The following TMEM178B variants were observed in gnomAD, a reference collection of about 807,000 sequenced individuals.
The protein encoded by TMEM178B is transmembrane protein 178B.
A neutral mutation model predicts 31.0 loss-of-function variants in TMEM178B; 5 were observed. The ratio of observed to expected loss-of-function variants is 0.16; its 90% CI spans 0.08 to 0.34. The LOEUF is 0.34. Ranked by LOEUF, TMEM178B falls within the 10% of genes least tolerant of loss-of-function variation. The probability of loss-of-function intolerance (pLI) is 1.00; values close to 1 mark genes in which losing one functional copy is unlikely to be tolerated. For synonymous variants in TMEM178B, 164 were observed against 164.0 expected (o/e 1.00, Z 0.00); for missense variants, 275 against 400.3 (o/e 0.69, Z 2.67).
At chr7:141,304,057 A>G (rs1269119299) in intron 2 of TMEM178B, among the ~76,000 whole-genome samples, 2 of 152,246 alleles carry the variant, frequency 1.3e-5, no homozygotes, top group Non-Finnish European at 2.9e-5. Context: ...TTCTTTCAGC[A>G]GTACTGTAGC....
At chr7:141,360,354 C>T (rs1799896512) in intron 2 of TMEM178B, among the ~76,000 whole-genome samples, 1 of 152,192 alleles carries the variant, frequency 6.6e-6, no homozygotes, top group African/African-American at 2.4e-5. Flanking sequence ...CTTTTCTTGG[C>T]CTCCATGCAT....
chr7:141,181,017 C>G (rs535662758), intron 1 of TMEM178B, among the ~76,000 whole-genome samples: 1 of 152,170 alleles, frequency 6.6e-6, no homozygotes, highest in Non-Finnish European at 1.5e-5. Context: ...TCTGTCAATT[C>G]ATCCATCCAT....
At chr7:141,360,914 A>G (rs946230746) in intron 2 of TMEM178B, among the ~76,000 whole-genome samples, 3 of 152,124 alleles carry the variant, frequency 2.0e-5, no homozygotes, top group African/African-American at 7.2e-5. Flanking sequence ...GAAAAAAAAA[A>G]GTGATTTGGT....
chr7:141,372,902 G>T (rs1800144361), intron 2 of TMEM178B, among the ~76,000 whole-genome samples: 1 of 152,220 alleles, frequency 6.6e-6, no homozygotes, highest in Admixed American at 6.5e-5. Flanking sequence ...GGAGGCAGCG[G>T]TGATGAGGAA....
chr7:141,478,516 A>C lies in TMEM178B; in HGVS notation c.*7730A>C, dbSNP rs1011178003. ...GCGTCATCCAATGGAACCATGATCC[A>C]AGCCACATATGCAATTTAAAATATT... On this transcript the variant is annotated 3_prime_UTR_variant, in exon 4 of 4. Coordinates refer to ENST00000565468, the MANE Select transcript of TMEM178B (RefSeq NM_001195278.2). The C allele has an allele frequency of 6.6e-6, 1 of 152,238 alleles. No homozygotes were observed. The highest frequency in any genetic ancestry group is 2.4e-5 in the African/African-American group (1 of 41,450). 9.4% of individuals were successfully genotyped at this position (152,238 alleles called of 1,614,324 possible). A position where few individuals can be genotyped will look rare whatever the true frequency, so the allele number is the denominator to read the frequency against.
At position 141,388,871 on chromosome 7, in the gene TMEM178B, T is replaced by G. The variant is rs573288436; in HGVS notation, c.497-48737T>G. Among the ~76,000 whole-genome samples the G allele has an allele frequency of 5.1e-4, 77 of 152,094 alleles. 1 individual carries two copies. The Middle Eastern group carries it at 0.01, about 20-fold the overall frequency. ...TGAGTTAAATCAAATAACCTGGAGC[T>G]TCCTGAAATTTTTATTAAGGAAGGT... On this transcript the variant is annotated intron_variant, in intron 2 of 3. Transcript: ENST00000565468.
intron 2 of TMEM178B, among the ~76,000 whole-genome samples, chr7:141,269,459 A>G (rs1798146267): frequency 6.6e-6 from 1 of 152,216 alleles, no homozygotes; most frequent in Non-Finnish European, 1.5e-5. Flanking sequence ...TAATGTAAAA[A>G]AGACTTTATT....
chr7:141,416,957 G>A (rs182331982), intron 2 of TMEM178B, among the ~76,000 whole-genome samples: 13 of 152,342 alleles, frequency 8.5e-5, no homozygotes, highest in Admixed American at 3.3e-4. Context: ...AGCATAGAAA[G>A]CAAACCATGC....
chr7:141,141,354 C>G (rs1214553313), intron 1 of TMEM178B, among the ~76,000 whole-genome samples: 1 of 152,048 alleles, frequency 6.6e-6, no homozygotes, highest in Non-Finnish European at 1.5e-5. Context: ...TTTTCCTGCC[C>G]CAGTCTTGGA....
rs189241119 is a variant in TMEM178B, at chr7:141,392,722, C to T, written c.497-44886C>T. On this transcript the variant is annotated intron_variant, in intron 2 of 3. Transcript: ENST00000565468. ...GCAGGCCTTTGACTCTATCCAGTAG[C>T]TAAAAGGGAGTCTCTGGAGGTTTTG... 3.9e-3 allele frequency among the ~76,000 whole-genome samples: 593 copies of T among 151,980 alleles called. 1 individual carries two copies. Among genetic ancestry groups the T allele is most frequent in the Non-Finnish European group, 6.0e-3 (408 of 67,992 alleles).
chr7:141,278,909 C>T (rs1472793438), intron 2 of TMEM178B, among the ~76,000 whole-genome samples: 2 of 152,090 alleles, frequency 1.3e-5, no homozygotes, highest in African/African-American at 4.8e-5. Flanking sequence ...AGAATTGGGA[C>T]CCAAGTAAGG....
chr7:141,101,919 G>GTT (rs1209663472), intron 1 of TMEM178B, among the ~76,000 whole-genome samples: 7 of 151,390 alleles, frequency 4.6e-5, no homozygotes, highest in Non-Finnish European at 7.4e-5. Flanking sequence ...GTGTGTGTGT[G>GTT]TGTGTGTGTG....
intron 2 of TMEM178B, among the ~76,000 whole-genome samples, chr7:141,301,685 T>C (rs1284340225): frequency 1.3e-5 from 2 of 152,204 alleles, no homozygotes; most frequent in Non-Finnish European, 2.9e-5. Context: ...ACTCCACTCC[T>C]TGCCATGTGG....
intron 1 of TMEM178B, among the ~76,000 whole-genome samples, chr7:141,134,988 A>G (rs963978984): frequency 6.6e-6 from 1 of 152,186 alleles, no homozygotes; most frequent in African/African-American, 2.4e-5. Flanking sequence ...AATGAGTCTC[A>G]TGAGATCTGA....
intron 2 of TMEM178B, among the ~76,000 whole-genome samples, chr7:141,315,919 A>G (rs1563149394): frequency 6.6e-6 from 1 of 152,196 alleles, no homozygotes; most frequent in Non-Finnish European, 1.5e-5. Context: ...GTAAAAACAC[A>G]GTTTTACTCA....
chr7:141,180,196 A>C (rs912120284), intron 1 of TMEM178B, among the ~76,000 whole-genome samples: 3 of 152,162 alleles, frequency 2.0e-5, no homozygotes, highest in Non-Finnish European at 4.4e-5. Context: ...TAAAGAAAAC[A>C]CAGGCCAGGC....
intron 3 of TMEM178B, among the ~76,000 whole-genome samples, chr7:141,460,682 T>C (rs984641210): frequency 1.3e-5 from 2 of 152,212 alleles, no homozygotes; most frequent in African/African-American, 2.4e-5. Context: ...CACACCTGGG[T>C]GCAGAGCAGT....
intron 2 of TMEM178B, among the ~76,000 whole-genome samples, chr7:141,342,509 C>A (rs977837615): frequency 2.0e-5 from 3 of 152,196 alleles, no homozygotes; most frequent in African/African-American, 7.2e-5. Flanking sequence ...TCTTCAAGAT[C>A]CAGCTCCTCC....
intron 2 of TMEM178B, among the ~76,000 whole-genome samples, chr7:141,250,805 C>T (rs1797819302): frequency 6.6e-6 from 1 of 152,172 alleles, no homozygotes. Flanking sequence ...GCCAGCATGG[C>T]CTCATTGTTT....
Sources: gnomAD v4.1 joint callset for allele counts (sites outside exome capture counted in the v4.1 genomes callset) on GRCh38, gnomAD v4.1.1 for gene constraint, MANE v1.5 for transcripts, NCBI Gene and HGNC (gene_info 2026-07-23, HGNC 2026-07-21) for gene names.